The following CACTIN variants were observed in gnomAD, a reference collection of about 807,000 sequenced individuals.
The protein encoded by CACTIN is splicing factor Cactin.
CACTIN carries 20 observed loss-of-function variants against 84.9 expected under a neutral mutation model. The observed-to-expected ratio is 0.24, with a 90% CI of 0.17 to 0.34. CACTIN has a LOEUF of 0.34. Ranked by LOEUF, CACTIN falls within the 10% of genes least tolerant of loss-of-function variation. CACTIN has a pLI of 1.00. For synonymous variants in CACTIN, 549 were observed against 467.9 expected (o/e 1.17, Z -2.24); for missense variants, 897 against 1,117.2 (o/e 0.80, Z 2.81).
chr19:3,622,191 CTCTG>C (rs1409180435), intron 2 of CACTIN, among the ~76,000 whole-genome samples: 1 of 152,018 alleles, frequency 6.6e-6, no homozygotes, highest in East Asian at 1.9e-4. Flanking sequence ...CATGGTTAAA[CTCTG>C]TCTACTAAAA....
intron 1 of CACTIN, among the ~76,000 whole-genome samples, chr19:3,625,535 G>A (rs1477722998): frequency 6.6e-6 from 1 of 152,172 alleles, no homozygotes; most frequent in Non-Finnish European, 1.5e-5. Context: ...TTCAAGACCT[G>A]CCTGGCCAAT....
At chr19:3,620,391 C>CA (rs1402344088) in intron 3 of CACTIN, 119 bp from the exon 4 acceptor site, 1 of 1,158,702 alleles carries the variant, frequency 8.6e-7, no homozygotes, top group South Asian at 1.3e-5. Context: ...AGGGATTGGT[C>CA]CGGAGATGCC....
intron 7 of CACTIN, chr19:3,613,955 A>T (rs2033044043): frequency 2.4e-6 from 1 of 412,950 alleles, no homozygotes. Context: ...GTATTTACAC[A>T]GCGGTGCCAA....
chr19:3,625,665 A>AG (rs753465665), intron 1 of CACTIN, among the ~76,000 whole-genome samples: 1 of 152,354 alleles, frequency 6.6e-6, no homozygotes, highest in African/African-American at 2.4e-5. Context: ...CAGGAGGCAG[A>AG]GGTAACAGCC....
At position 3,611,153 on chromosome 19, in the gene CACTIN, TG is replaced by T; in HGVS notation, c.*769del. ...GCCCTCCAGGCCCTGTGCTCAGAGG[TG>T]GGGGGAGGACGGCTCAGTGACTTTT... is the stretch of plus-strand genomic sequence containing the variant. On this transcript the variant is annotated 3_prime_UTR_variant, in exon 10 of 10. Transcript: ENST00000429344. 1 of 387,008 alleles carries T rather than the reference TG, an allele frequency of 2.6e-6. No individual in the cohort carries two copies. Among genetic ancestry groups the T allele is most frequent in the Non-Finnish European group, 5.2e-6 (1 of 192,500 alleles). 24.0% of individuals were successfully genotyped at this position (387,008 alleles called of 1,614,324 possible).
At position 3,610,705 on chromosome 19, in the gene CACTIN, T is replaced by A. The variant is rs1410920618; in HGVS notation, c.*1218A>T. 1 of 456,754 alleles carries A rather than the reference T, an allele frequency of 2.2e-6. No homozygotes were observed. The highest frequency in any genetic ancestry group is 2.4e-5 in the Admixed American group (1 of 42,522). The allele number at this position is 456,754 out of a possible 1,614,324, so 28.3% of individuals were successfully genotyped here. Reference sequence around the variant, plus strand: ...CGATCTTGCCAATAGGCCAATTCCATGAGAACAAAAGATTTTTTTTCCCAC... The same window carrying A: ...CGATCTTGCCAATAGGCCAATTCCAAGAGAACAAAAGATTTTTTTTCCCAC... On this transcript the variant is annotated 3_prime_UTR_variant, in exon 10 of 10. Transcript: ENST00000429344.
In CACTIN at chr19:3,620,649, C is replaced by T. The variant is rs374206535; in HGVS notation, c.738+58G>A. The T allele has an allele frequency of 5.2e-4, 726 of 1,391,484 alleles. 1 individual carries two copies. Among genetic ancestry groups the T allele is most frequent in the Non-Finnish European group, 6.1e-4 (620 of 1,018,148 alleles). The allele number at this position is 1,391,484 out of a possible 1,614,324, so 86.2% of individuals were successfully genotyped here. On this transcript the variant is annotated intron_variant, in intron 3 of 9. Coordinates refer to ENST00000429344, the MANE Select transcript of CACTIN (RefSeq NM_001080543.2). ...GCCCCTCAAGTCCTGCCAAAGGGGGCGGGCCTCCAGGCCCTGGAAAGGGAG... is the reference window on the plus strand; with the variant it reads ...GCCCCTCAAGTCCTGCCAAAGGGGGTGGGCCTCCAGGCCCTGGAAAGGGAG...
At position 3,613,084 on chromosome 19, in the gene CACTIN, AGCTGCAGGC is replaced by A. The variant is rs1259996290; in HGVS notation, c.1751_1759del (p.Arg584_Gln586del). 6.3e-6 allele frequency: 10 copies of A among 1,577,984 alleles called. No homozygotes were observed. Among genetic ancestry groups the A allele is most frequent in the Admixed American group, 1.7e-5 (1 of 58,272 alleles). On this transcript the variant is annotated inframe_deletion, in exon 9 of 10. Transcript: ENST00000429344. ...CGTGACCTGGAGCTGCTGGCGCGAGAGCTGCAGGCGCTGCAGGTCCTCATCCGGTTCCAG... is the reference window on the plus strand; with the variant it reads ...CGTGACCTGGAGCTGCTGGCGCGAGAGCTGCAGGTCCTCATCCGGTTCCAG...
chr19:3,626,569 C>T, intron 1 of CACTIN, 27 bp downstream of exon 1: 1 of 1,402,808 alleles, frequency 7.1e-7, no homozygotes, highest in Non-Finnish European at 9.3e-7. Flanking sequence ...AGCCGGATCC[C>T]CAGCGCTGCT....
rs1472451202 is a variant in CACTIN at position 3,610,739 on chromosome 19, CTT to C, written c.*1182_*1183del. 6.6e-6 allele frequency: 3 copies of C among 456,888 alleles called. No homozygotes were observed. Among genetic ancestry groups the C allele is most frequent in the Non-Finnish European group, 1.3e-5 (3 of 227,054 alleles). The allele number at this position is 456,888 out of a possible 1,614,324, so 28.3% of individuals were successfully genotyped here. On this transcript the variant is annotated 3_prime_UTR_variant, in exon 10 of 10. Coordinates refer to ENST00000429344, the MANE Select transcript of CACTIN (RefSeq NM_001080543.2). Reference sequence around the variant, plus strand: ...AAGATTTTTTTTCCCACCTACAAGTCTTTTTAGAGAAACAAACGGAACTATTT... The same window carrying C: ...AAGATTTTTTTTCCCACCTACAAGTCTTTAGAGAAACAAACGGAACTATTT...
Position 3,619,098 on chromosome 19 carries a change from G to C in CACTIN, c.1029C>G (p.Asp343Glu), listed in dbSNP as rs2033168175. 6.4e-7 allele frequency: 1 copy of C among 1,567,162 alleles called. No homozygotes were observed. Among genetic ancestry groups the C allele is most frequent in the Non-Finnish European group, 8.6e-7 (1 of 1,156,562 alleles). ...TGGGTACCTGGATATCCTCCAGCAG[G>C]TCCTCCATGTCGGCCACGGTGAGGC... is the stretch of plus-strand genomic sequence containing the variant. Reference protein sequence around the residue: ...LNGLTVADMEDLLEDIQVYME... With the variant: ...LNGLTVADMEELLEDIQVYME... The change falls in exon 5 of 10, where the codon GAC becomes GAG. Residue 343 changes from aspartate to glutamate, a missense_variant. Asp to Glu is a conservative substitution (Grantham distance 45). Transcript: ENST00000429344.
At chr19:3,612,965 G>A (rs944541535) in intron 9 of CACTIN, 93 bp downstream of exon 9, 76 of 1,440,502 alleles carry the variant, frequency 5.3e-5, no homozygotes, top group Admixed American at 4.4e-4. Context: ...CCCCACTGAC[G>A]CCAGCGGCTT....
chr19:3,623,550 C>A (rs1299292626), intron 2 of CACTIN, 138 bp downstream of exon 2: 4 of 727,290 alleles, frequency 5.5e-6, no homozygotes, highest in Non-Finnish European at 8.9e-6. Context: ...CTGATAGCGG[C>A]AGAAGCTTGC....
chr19:3,624,096 C>G lies in CACTIN; in HGVS notation c.234G>C (p.Lys78Asn). The change falls in exon 2 of 10, where the codon AAG becomes AAC. Residue 78 changes from lysine (K) to asparagine (N), a missense_variant. Lys to Asn is a moderately conservative substitution (Grantham distance 94). Transcript: ENST00000429344. The part of the protein sequence containing the change: ...GMRSRSPPRP[K>N]WHSRDGSSQS... ...GAGAGGACCCATCTCTTGAGTGCCACTTGGGCCGCGGGGGGCTCCGGCTTC... is the reference window on the plus strand; with the variant it reads ...GAGAGGACCCATCTCTTGAGTGCCAGTTGGGCCGCGGGGGGCTCCGGCTTC... 1 of 1,593,456 alleles carries G rather than the reference C, an allele frequency of 6.3e-7. No individual in the cohort carries two copies. Among genetic ancestry groups the G allele is most frequent in the Non-Finnish European group, 8.5e-7 (1 of 1,173,720 alleles).
At chr19:3,619,657 C>T (rs2033181570) in intron 4 of CACTIN, among the ~76,000 whole-genome samples, 2 of 152,148 alleles carry the variant, frequency 1.3e-5, no homozygotes, top group South Asian at 2.1e-4. Flanking sequence ...GGCAGAGAGC[C>T]GGGTTTCTGT....
At position 3,611,879 on chromosome 19, in the gene CACTIN, T is replaced by A. The variant is rs1241188118; in HGVS notation, c.*44A>T. On this transcript the variant is annotated 3_prime_UTR_variant, in exon 10 of 10. Transcript: ENST00000429344. ...GACCACCAGCTTCACCGAAGCCCCT[T>A]TACTGTGCCCCCGAGGACACCTGCC... is the stretch of plus-strand genomic sequence containing the variant. 4.4e-6 allele frequency: 7 copies of A among 1,601,296 alleles called. No individual in the cohort carries two copies. The highest frequency in any genetic ancestry group is 5.9e-6 in the Non-Finnish European group (7 of 1,176,470).
intron 1 of CACTIN, 133 bp downstream of exon 1, chr19:3,626,463 A>T: frequency 9.8e-7 from 1 of 1,018,888 alleles, no homozygotes; most frequent in Non-Finnish European, 1.3e-6. Context: ...ACCGGTGGTC[A>T]ATTGTCCCCT....
intron 4 of CACTIN, 91 bp from the exon 5 acceptor site, chr19:3,619,333 C>T: frequency 6.8e-7 from 1 of 1,461,236 alleles, no homozygotes; most frequent in Non-Finnish European, 9.2e-7. Flanking sequence ...CCAGTGGGAG[C>T]CGAGGAGGGG....
chr19:3,618,426 G>A (rs190948344), intron 6 of CACTIN, among the ~76,000 whole-genome samples: 10 of 146,314 alleles, frequency 6.8e-5, no homozygotes, highest in South Asian at 2.2e-4. Context: ...CCACACGGAG[G>A]GGGGGGAAAC....
Sources: gnomAD v4.1 joint callset for allele counts (sites outside exome capture counted in the v4.1 genomes callset) on GRCh38, gnomAD v4.1.1 for gene constraint, MANE v1.5 for transcripts, NCBI Gene and HGNC (gene_info 2026-07-23, HGNC 2026-07-21) for gene names.